The following SCRIB variants were observed in gnomAD, a reference collection of about 807,000 sequenced individuals.
SCRIB encodes protein scribble homolog.
SCRIB carries 72 observed loss-of-function variants against 170.0 expected under a neutral mutation model. The observed-to-expected ratio is 0.42, with a 90% CI of 0.35 to 0.52. The LOEUF (loss-of-function observed/expected upper bound fraction) is 0.52, where lower values mean the gene tolerates loss of function less well. Among genes scored for constraint, SCRIB ranks in the 20% least tolerant of loss-of-function variants. The pLI, the probability that SCRIB is intolerant of heterozygous loss-of-function variation, is 0.02. For missense variants in SCRIB, 2,475 were observed against 2,338.5 expected, an observed-to-expected ratio of 1.06 and a Z score of -1.20; for synonymous variants, 1,298 against 1,044.3, an observed-to-expected ratio of 1.24 and a Z score of -4.68.
At chr8:143,802,332 C>T (rs1554635132) in intron 24 of SCRIB, among the ~76,000 whole-genome samples, 1 of 152,264 alleles carries the variant, frequency 6.6e-6, no homozygotes, top group Non-Finnish European at 1.5e-5. Flanking sequence ...CTGTGACTGT[C>T]AGCCTGGCAG....
rs780834040 is a variant in SCRIB, at chr8:143,808,990, G to A, written c.1734C>T (p.Pro578=). 90 of 1,613,138 alleles carry A rather than the reference G, an allele frequency of 5.6e-5. No individual in the cohort carries two copies. The highest frequency in any genetic ancestry group is 1.7e-4 in the Middle Eastern group (1 of 5,960). ...TVHFAEDALL[P]GDDREIEEGQ... is the part of the protein sequence containing the mutation. ...CCTCCTCGATCTCCCTGTCATCCCC[G>A]GGCAGCAGTGCGTCCTCTGCGAAAT... The change falls in exon 15 of 37, where the codon CCC becomes CCT. Residue 578 remains proline (P), a synonymous_variant. Transcript: ENST00000356994.
Position 143,809,601 on chromosome 8 carries a change from C to T in SCRIB, c.1648G>A (p.Glu550Lys), listed in dbSNP as rs1469861805. The T allele has an allele frequency of 2.5e-6, 4 of 1,611,474 alleles. No individual in the cohort carries two copies. The highest frequency in any genetic ancestry group is 3.4e-6 in the Non-Finnish European group (4 of 1,179,902). ...TCCTCCCCGCCAGCAGTCGTGGCTT[C>T]CTGCTGGCTCCCACCCTGTGCCTCA... Reference protein sequence around the residue: ...SAEAQGGSQQEATTAGGEEDA... With the variant: ...SAEAQGGSQQKATTAGGEEDA... Residue 550 changes from glutamate (E) to lysine (K), a missense_variant, in exon 14 of 37, where the codon GAA becomes AAA. Physicochemically the swap from Glu to Lys is moderately conservative, Grantham distance 56. Around this residue, in one of 3 missense-constraint regions of SCRIB, gnomAD observed 1,966 missense variants for 1,742.9 expected, o/e 1.13. Coordinates refer to ENST00000356994, the MANE Select transcript of SCRIB (RefSeq NM_182706.5).
At chr8:143,807,856 C>A (rs2130102014) in intron 15 of SCRIB, among the ~76,000 whole-genome samples, 1 of 152,320 alleles carries the variant, frequency 6.6e-6, no homozygotes, top group African/African-American at 2.4e-5. Flanking sequence ...CCTCCGGGCC[C>A]CCTCAGCTAT....
Position 143,810,893 on chromosome 8 carries a change from G to A in SCRIB, c.1273+13C>T, listed in dbSNP as rs771990568. The A allele has an allele frequency of 5.0e-6, 8 of 1,610,686 alleles. No homozygotes were observed. Among genetic ancestry groups the A allele is most frequent in the African/African-American group, 1.3e-5 (1 of 75,060 alleles). On this transcript the variant is annotated intron_variant, in intron 11 of 36. Transcript: ENST00000356994. The stretch of plus-strand genomic sequence containing the variant: ...AGCCACCCCGCGCTAAGCACCGGTT[G>A]CCAACAACCTACCGAGGCTGGGTGG...
At position 143,810,712 on chromosome 8, in the gene SCRIB, C is replaced by G. The variant is rs766586580; in HGVS notation, c.1378G>C (p.Ala460Pro). The change falls in exon 12 of 37, where the codon GCT becomes CCT. Residue 460 changes from alanine to proline, a missense_variant. Coordinates refer to ENST00000356994, the MANE Select transcript of SCRIB (RefSeq NM_182706.5). ...FLEAPIGDED[A>P]EEAAAEKRGL... ...CGCTTCTCAGCTGCAGCTTCCTCAG[C>G]GTCCTCATCACCTATGGGGGCCTCC... is the stretch of plus-strand genomic sequence containing the variant. 7 of 1,605,272 alleles carry G rather than the reference C, an allele frequency of 4.4e-6. No individual in the cohort carries two copies. The East Asian group carries it at 1.6e-4, about 36-fold the overall frequency.
At chr8:143,809,817 G>A (rs1432971477) in intron 13 of SCRIB, 99 bp from the exon 14 acceptor site, 7 of 1,375,130 alleles carry the variant, frequency 5.1e-6, no homozygotes, top group East Asian at 2.4e-5. Context: ...TGAGCTTCCC[G>A]CTGCCCCGAC....
At position 143,813,647 on chromosome 8, in the gene SCRIB, C is replaced by G; in HGVS notation, c.436G>C (p.Asp146His). 1 of 1,613,328 alleles carries G rather than the reference C, an allele frequency of 6.2e-7. No homozygotes were observed. ...TGAGAAGGCACTCACTTGCCCACGT[C>G]CCCGGGCAGTGCCTGCAGAGACACA... ...NDVSLQALPG[D>H]VGNLANLVTL... The change falls in exon 4 of 37, where the codon GAC becomes CAC. Residue 146 changes from aspartate to histidine, a missense_variant. By Grantham distance (81) the Asp-to-His change is moderately conservative (BLOSUM62 -1). Transcript: ENST00000356994.
Position 143,805,233 on chromosome 8 carries a change from G to A in SCRIB, c.2549C>T (p.Pro850Leu), listed in dbSNP as rs782686996. The A allele has an allele frequency of 3.1e-5, 48 of 1,543,382 alleles. No homozygotes were observed. The East Asian group carries it at 4.1e-4, about 13-fold the overall frequency. The change falls in exon 19 of 37, where the codon CCG becomes CTG. Residue 850 changes from proline (P) to leucine (L), a missense_variant. Around this residue, in one of 3 missense-constraint regions of SCRIB, gnomAD observed 1,966 missense variants for 1,742.9 expected, o/e 1.13. Transcript: ENST00000356994. ...RGGGLRLPLL[P>L]PESPGPLRQR... Reference sequence around the variant, plus strand: ...ACGGAGGGGCCCGGGGCTCTCAGGCGGGAGCAGGGGCAGGCGCAGCCCCCC... The same window carrying A: ...ACGGAGGGGCCCGGGGCTCTCAGGCAGGAGCAGGGGCAGGCGCAGCCCCCC...
At chr8:143,797,854 C>T (rs886489725) in intron 24 of SCRIB, among the ~76,000 whole-genome samples, 4 of 152,374 alleles carry the variant, frequency 2.6e-5, no homozygotes, top group Admixed American at 6.5e-5. Context: ...CGACGGAGCA[C>T]GTCCCCGGCG....
At chr8:143,810,840 C>G in intron 11 of SCRIB, 24 bp from the exon 12 acceptor site, 1 of 1,604,100 alleles carries the variant, frequency 6.2e-7, no homozygotes, top group Non-Finnish European at 8.5e-7. Flanking sequence ...GCGTCAGGAC[C>G]CAGGCTAGTC....
chr8:143,792,767 G>C lies in SCRIB; in HGVS notation c.4118C>G (p.Pro1373Arg). ...ACCCACCAGGGACACGCGCTTAGGG[G>C]GGCCCTCGGCCTGGGGCACGCGCAC... is the stretch of plus-strand genomic sequence containing the variant. ...LEVRVPQAEG[P>R]PKRVSLVGAD... Residue 1373 changes from proline (P) to arginine (R), a missense_variant, in exon 30 of 37, where the codon CCC (proline) becomes CGC (arginine). Coordinates refer to ENST00000356994, the MANE Select transcript of SCRIB (RefSeq NM_182706.5). 1 of 1,588,234 alleles carries C rather than the reference G, an allele frequency of 6.3e-7. No homozygotes were observed. The highest frequency in any genetic ancestry group is 8.5e-7 in the Non-Finnish European group (1 of 1,170,074).
chr8:143,809,450 G>A (rs1815601277), intron 14 of SCRIB, 101 bp downstream of exon 14: 1 of 1,332,452 alleles, frequency 7.5e-7, no homozygotes. Flanking sequence ...GCAGGGCCCA[G>A]GCACTGCCTG....
Position 143,810,498 on chromosome 8 carries a change from G to A in SCRIB, c.1511C>T (p.Ser504Leu), listed in dbSNP as rs376361043. Residue 504 changes from serine (S) to leucine (L), a missense_variant, in exon 13 of 37, where the codon TCG becomes TTG. Coordinates refer to ENST00000356994, the MANE Select transcript of SCRIB (RefSeq NM_182706.5). ...EACPCQPDSG[S>L]PLPAEEEKRL... ...GCCCACCTCCTCTGCAGGCAAGGGC[G>A]ACCCAGAGTCTGGCTGGCAAGGGCA... 3.2e-5 allele frequency: 52 copies of A among 1,610,514 alleles called. No individual in the cohort carries two copies. Among genetic ancestry groups the A allele is most frequent in the Non-Finnish European group, 4.2e-5 (50 of 1,179,888 alleles).
intron 27 of SCRIB, 47 bp from the exon 28 acceptor site, chr8:143,794,009 C>T: frequency 1.3e-6 from 2 of 1,584,892 alleles, no homozygotes; most frequent in Non-Finnish European, 1.7e-6. Context: ...AGGGCTGTGG[C>T]CCCCGACCAG....
intron 34 of SCRIB, 48 bp downstream of exon 34, chr8:143,791,822 ACCCCAC>A: frequency 1.6e-6 from 2 of 1,244,796 alleles, no homozygotes; most frequent in Non-Finnish European, 2.1e-6. Flanking sequence ...GGCAGGCCAG[ACCCCAC>A]CCCCATGCCT....
In SCRIB at chr8:143,815,569, G is replaced by A. The variant is rs1454963963; in HGVS notation, c.-197C>T. 34 of 981,324 alleles carry A rather than the reference G, an allele frequency of 3.5e-5. No individual in the cohort carries two copies. The highest frequency in any genetic ancestry group is 1.1e-4 in the African/African-American group (6 of 56,654). The allele number at this position is 981,324 out of a possible 1,614,324, so 60.8% of individuals were successfully genotyped here. On this transcript the variant is annotated 5_prime_UTR_variant, in exon 1 of 37. Coordinates refer to ENST00000356994, the MANE Select transcript of SCRIB (RefSeq NM_182706.5). ...TCGGAACGCTCGGACTGCGGGCCTG[G>A]GCAGGGGGCGCGGCCCGGCGGGTCT...
rs782783637 is a variant in SCRIB at position 143,804,960 on chromosome 8, G to C, written c.2725C>G (p.Leu909Val). 27 of 1,576,308 alleles carry C rather than the reference G, an allele frequency of 1.7e-5. No individual in the cohort carries two copies. Among genetic ancestry groups the C allele is most frequent in the Non-Finnish European group, 2.2e-5 (26 of 1,166,930 alleles). The change falls in exon 20 of 37, where the codon CTG becomes GTG. Residue 909 changes from leucine (L) to valine (V), a missense_variant. Transcript: ENST00000356994. The stretch of plus-strand genomic sequence containing the variant: ...GAGAGGACGCGGTCGCCAACCTGCA[G>C]TGTGCCCGCGCGGTGAGCAGCACCG... ...EGGAAHRAGTLQVGDRVLSIN... is the reference protein window; with the variant it reads ...EGGAAHRAGTVQVGDRVLSIN...
intron 24 of SCRIB, among the ~76,000 whole-genome samples, chr8:143,797,254 C>T (rs1216279467): frequency 2.0e-5 from 3 of 152,294 alleles, no homozygotes; most frequent in South Asian, 2.1e-4. Context: ...AAATAAATTA[C>T]GATGGTAAAA....
At chr8:143,792,452 T>TGAG in intron 31 of SCRIB, 33 bp downstream of exon 31, 1 of 1,494,534 alleles carries the variant, frequency 6.7e-7, no homozygotes, top group East Asian at 2.4e-5. Context: ...GCACGTGGGG[T>TGAG]GAGTAGGGGG....
Sources: allele counts gnomAD v4.1 joint callset (sites outside exome capture counted in the v4.1 genomes callset), GRCh38; gene constraint gnomAD v4.1.1; regional missense constraint gnomAD v4.1.1; transcripts MANE v1.5; gene names NCBI Gene and HGNC (gene_info 2026-07-23, HGNC 2026-07-21).